Variants in CUBN observed in about 807,000 individuals in gnomAD.
CUBN encodes 460 kDa receptor.
Under a neutral mutation model 405.3 loss-of-function variants are expected in CUBN, and 282 were observed. That is an observed-to-expected ratio of 0.70 (90% CI 0.63 to 0.77). The LOEUF is 0.77. Ranked by LOEUF, CUBN falls within the 30% of genes least tolerant of loss-of-function variation. CUBN has a pLI of 0.00. For missense variants in CUBN, 4,514 were observed against 4,475.2 expected (o/e 1.01, Z -0.25); for synonymous variants, 1,684 against 1,617.0 (o/e 1.04, Z -0.99).
chr10:16,957,201 G>T (rs78964463), intron 31 of CUBN, among the ~76,000 whole-genome samples: 1 of 151,780 alleles, frequency 6.6e-6, no homozygotes, highest in Non-Finnish European at 1.5e-5. Flanking sequence ...CCCTGCTACC[G>T]TCCCCAGCCT....
chr10:16,828,904 G>A lies in CUBN; in HGVS notation c.10665C>T (p.Phe3555=). 1 of 1,614,148 alleles carries A rather than the reference G, an allele frequency of 6.2e-7. No individual in the cohort carries two copies. The highest frequency in any genetic ancestry group is 8.5e-7 in the Non-Finnish European group (1 of 1,180,010). The stretch of plus-strand genomic sequence containing the variant: ...AGTCTCCTGGATCGTCAATGCTGAT[G>A]AAGTAGAAGTTGATGGTGACAAGCC... ...AGRLVTINFY[F]ISIDDPGDCV... The change falls in exon 66 of 67, where the codon TTC becomes TTT. Residue 3555 remains phenylalanine (F), a synonymous_variant. Coordinates refer to ENST00000377833, the MANE Select transcript of CUBN (RefSeq NM_001081.4).
chr10:17,127,861 T>C lies in CUBN; in HGVS notation c.316A>G (p.Ile106Val), dbSNP rs1457341561. 2.5e-6 allele frequency: 4 copies of C among 1,613,264 alleles called. No individual in the cohort carries two copies. The South Asian group carries it at 3.3e-5, about 13-fold the overall frequency. Reference sequence around the variant, plus strand: ...TTAAGCTGATAGATTTGACTAGATATATTTTGAGGCAGACCAATTGCACTC... The same window carrying C: ...TTAAGCTGATAGATTTGACTAGATACATTTTGAGGCAGACCAATTGCACTC... ...KGSAIGLPQN[I>V]SSQIYQLNSK... Residue 106 changes from isoleucine (I) to valine (V), a missense_variant, in exon 3 of 67, where the codon ATA becomes GTA. Ile to Val is a conservative substitution (Grantham distance 29). Transcript: ENST00000377833.
At chr10:16,922,943 G>T (rs556692155) in intron 43 of CUBN, among the ~76,000 whole-genome samples, 1 of 150,778 alleles carries the variant, frequency 6.6e-6, no homozygotes, top group Admixed American at 6.6e-5. Flanking sequence ...TCAACTTCCC[G>T]GGCTCAAGTG....
chr10:16,877,334 T>A (rs2131378416), intron 56 of CUBN, among the ~76,000 whole-genome samples: 1 of 152,300 alleles, frequency 6.6e-6, no homozygotes, highest in Admixed American at 6.5e-5. Context: ...CTTGAAACAA[T>A]TCAGAATTTC....
chr10:16,981,450 G>T (rs542483618), intron 31 of CUBN, among the ~76,000 whole-genome samples: 1 of 151,920 alleles, frequency 6.6e-6, no homozygotes, highest in East Asian at 1.9e-4. Context: ...GGTACCAAGA[G>T]GTCAGGGTGT....
chr10:17,002,635 G>A (rs1210085375), intron 28 of CUBN, among the ~76,000 whole-genome samples: 5 of 152,142 alleles, frequency 3.3e-5, no homozygotes, highest in Non-Finnish European at 2.9e-5. Flanking sequence ...TACTGCTGTC[G>A]TCAAGGAGGC....
chr10:17,111,806 C>G (rs892553453), intron 8 of CUBN, among the ~76,000 whole-genome samples: 5 of 152,168 alleles, frequency 3.3e-5, no homozygotes, highest in Non-Finnish European at 5.9e-5. Context: ...CGCCTGTAGT[C>G]CCAGCTACTT....
At chr10:17,112,768 G>A (rs7906358) in intron 8 of CUBN, among the ~76,000 whole-genome samples, 88,158 of 151,664 alleles carry the variant, frequency 0.58, 26,650 homozygotes, top group Non-Finnish European at 0.67. Flanking sequence ...GTTTCTTGGC[G>A]AGAAGAAACT....
chr10:17,113,453 T>C (rs1836815433), intron 8 of CUBN, among the ~76,000 whole-genome samples: 1 of 152,088 alleles, frequency 6.6e-6, no homozygotes, highest in Admixed American at 6.6e-5. Context: ...GAATATATGA[T>C]GACTATCTCA....
intron 53 of CUBN, 128 bp downstream of exon 53, chr10:16,900,497 T>C: frequency 1.3e-6 from 1 of 767,950 alleles, no homozygotes; most frequent in Non-Finnish European, 2.3e-6. Context: ...CCAGGGTTGC[T>C]GCATGAGATG....
intron 17 of CUBN, among the ~76,000 whole-genome samples, chr10:17,082,754 A>G (rs1329271797): frequency 1.3e-5 from 2 of 152,222 alleles, no homozygotes; most frequent in Non-Finnish European, 2.9e-5. Context: ...CTTACTGAAG[A>G]TAAGTATAAC....
intron 28 of CUBN, among the ~76,000 whole-genome samples, chr10:16,996,958 G>C (rs1237271903): frequency 6.6e-6 from 1 of 152,196 alleles, no homozygotes; most frequent in Non-Finnish European, 1.5e-5. Context: ...CAAAAGCCAA[G>C]GCACAGTGAA....
chr10:16,953,681 C>T (rs115576772), intron 32 of CUBN, among the ~76,000 whole-genome samples: 2 of 151,930 alleles, frequency 1.3e-5, no homozygotes, highest in East Asian at 3.9e-4. Flanking sequence ...CAGAGCAGAT[C>T]CCATCTCTAA....
chr10:17,012,091 A>G (rs1026731326), intron 28 of CUBN, among the ~76,000 whole-genome samples: 6 of 152,128 alleles, frequency 3.9e-5, no homozygotes, highest in Admixed American at 1.3e-4. Context: ...GGGTCGGTCC[A>G]GGGGTCCTTG....
chr10:17,060,717 C>T (rs79570874), intron 22 of CUBN, among the ~76,000 whole-genome samples: 4,464 of 152,080 alleles, frequency 0.029, 118 homozygotes, highest in South Asian at 0.1. Flanking sequence ...AATTCAAGGT[C>T]GATAGAAATA....
chr10:16,928,038 T>C, intron 41 of CUBN, 119 bp downstream of exon 41: 1 of 1,123,994 alleles, frequency 8.9e-7, no homozygotes, highest in East Asian at 2.5e-5. Context: ...CAGAGACCCA[T>C]GTCCTCTGAC....
rs1298551142 is a variant in CUBN at position 17,035,597 on chromosome 10, T to G, written c.4017+5436A>C. Among the ~76,000 whole-genome samples, 7 of 152,340 alleles carry G rather than the reference T, an allele frequency of 4.6e-5. No individual in the cohort carries two copies. In the East Asian group the frequency reaches 1.4e-3, roughly 29 times the overall value. ...GGTATAGTGATTACAGAGCTGATTT[T>G]GTAATCTTGGTGAATTCATGGGTGC... On this transcript the variant is annotated intron_variant, in intron 27 of 66. Coordinates refer to ENST00000377833, the MANE Select transcript of CUBN (RefSeq NM_001081.4).
chr10:17,106,280 A>G (rs7910082), intron 10 of CUBN, among the ~76,000 whole-genome samples: 87,759 of 150,848 alleles, frequency 0.58, 26,549 homozygotes, highest in Non-Finnish European at 0.68. Context: ...GTGAGACTCC[A>G]TTTCCAAGAA....
At chr10:16,917,169 A>G (rs190049351) in intron 45 of CUBN, among the ~76,000 whole-genome samples, 3 of 152,264 alleles carry the variant, frequency 2.0e-5, no homozygotes, top group Non-Finnish European at 4.4e-5. Flanking sequence ...GAGAAAAAAA[A>G]GGTTAATTAT....
Sources: allele counts gnomAD v4.1 joint callset (sites outside exome capture counted in the v4.1 genomes callset), GRCh38; gene constraint gnomAD v4.1.1; transcripts MANE v1.5; gene names NCBI Gene and HGNC (gene_info 2026-07-23, HGNC 2026-07-21).